LIMCH1: variants seen among roughly 807,000 people sequenced by gnomAD.
LIMCH1 encodes LIM and calponin homology domains-containing protein 1.
In LIMCH1, 113 loss-of-function variants were observed where a neutral mutation model predicts 176.5. That is an observed-to-expected ratio of 0.64 (90% CI 0.55 to 0.75). LIMCH1 has a LOEUF of 0.75. Ranked by LOEUF, LIMCH1 falls within the 30% of genes least tolerant of loss-of-function variation. The pLI, the probability that LIMCH1 is intolerant of heterozygous loss-of-function variation, is 0.00. For missense variants in LIMCH1, 1,674 were observed against 1,814.9 expected (o/e 0.92, Z 1.41); for synonymous variants, 619 against 645.9 (o/e 0.96, Z 0.63).
At chr4:41,642,661 C>T (rs1167185746) in intron 14 of LIMCH1, among the ~76,000 whole-genome samples, 2 of 152,060 alleles carry the variant, frequency 1.3e-5, no homozygotes, top group African/African-American at 4.8e-5. Flanking sequence ...CAGGTTCAAG[C>T]CATCCTCCTG....
Position 41,650,741 on chromosome 4 carries a change from A to G in LIMCH1, c.3036+133A>G, listed in dbSNP as rs191249023. 33 of 741,708 alleles carry G rather than the reference A, an allele frequency of 4.4e-5. No individual in the cohort carries two copies. The East Asian group carries it at 9.0e-4, about 20-fold the overall frequency. The allele number at this position is 741,708 out of a possible 1,614,324, so 45.9% of individuals were successfully genotyped here. ...CGTATTAGTTTGCTAGGGCTGCTGT[A>G]AGTACCACAAACTCAGTGGCTTAAA... On this transcript the variant is annotated intron_variant, in intron 18 of 31. Coordinates refer to ENST00000503057, the MANE Select transcript of LIMCH1 (RefSeq NM_001330672.2).
chr4:41,636,695 A>G (rs994145821), intron 13 of LIMCH1, among the ~76,000 whole-genome samples: 7 of 152,194 alleles, frequency 4.6e-5, no homozygotes, highest in Non-Finnish European at 5.9e-5. Context: ...ATTTTGGTAT[A>G]GATCTACATT....
chr4:41,479,870 C>T (rs2068302472), intron 1 of LIMCH1, among the ~76,000 whole-genome samples: 1 of 152,154 alleles, frequency 6.6e-6, no homozygotes, highest in Non-Finnish European at 1.5e-5. Flanking sequence ...ATCACATGGG[C>T]TTCCCCGTGT....
chr4:41,367,227 A>G (rs2053151277), intron 1 of LIMCH1, among the ~76,000 whole-genome samples: 1 of 152,202 alleles, frequency 6.6e-6, no homozygotes, highest in East Asian at 1.9e-4. Context: ...AGTGTATCTC[A>G]GGGAATTACC....
At chr4:41,427,268 A>G (rs1208940905) in intron 1 of LIMCH1, among the ~76,000 whole-genome samples, 1 of 152,106 alleles carries the variant, frequency 6.6e-6, no homozygotes, top group Non-Finnish European at 1.5e-5. Context: ...GCCTGCCTGC[A>G]GTGAACTACT....
rs191892161 is a variant in LIMCH1, at chr4:41,479,684, A to G, written c.97-14852A>G. On this transcript the variant is annotated intron_variant, in intron 1 of 26. Transcript: ENST00000313860. The stretch of plus-strand genomic sequence containing the variant: ...ACTAGGATCTCATTAAGGAGTATAC[A>G]TTGCAATTGGTCATTATGTCTCATA... Among the ~76,000 whole-genome samples the G allele has an allele frequency of 1.6e-4, 24 of 152,352 alleles. No homozygotes were observed. In the East Asian group the frequency reaches 4.4e-3, roughly 28 times the overall value.
chr4:41,482,133 G>T (rs2068756628), intron 1 of LIMCH1, among the ~76,000 whole-genome samples: 1 of 152,176 alleles, frequency 6.6e-6, no homozygotes, highest in African/African-American at 2.4e-5. Flanking sequence ...CTCCCAAAGT[G>T]CTGGGATTAC....
At chr4:41,644,804 G>A (rs1001553337) in intron 15 of LIMCH1, among the ~76,000 whole-genome samples, 178 bp downstream of exon 15, 1 of 152,142 alleles carries the variant, frequency 6.6e-6, no homozygotes, top group Non-Finnish European at 1.5e-5. Flanking sequence ...TGAAGGTATG[G>A]AGTGATGGCC....
At chr4:41,401,795 G>T (rs1213959262) in intron 1 of LIMCH1, among the ~76,000 whole-genome samples, 18 of 152,224 alleles carry the variant, frequency 1.2e-4, no homozygotes, top group Admixed American at 8.5e-4. Flanking sequence ...TTTGTAGCAA[G>T]TGTGAATGGG....
intron 1 of LIMCH1, among the ~76,000 whole-genome samples, chr4:41,445,919 A>G (rs2063231529): frequency 1.3e-5 from 2 of 152,228 alleles, no homozygotes; most frequent in Admixed American, 1.3e-4. Context: ...ATATATATCA[A>G]CTTAAAGTGG....
chr4:41,647,284 G>T (rs2094106236), intron 17 of LIMCH1, among the ~76,000 whole-genome samples: 1 of 152,132 alleles, frequency 6.6e-6, no homozygotes, highest in Non-Finnish European at 1.5e-5. Flanking sequence ...TTTGCTTTTG[G>T]TTCAAATAGA....
intron 1 of LIMCH1, among the ~76,000 whole-genome samples, chr4:41,383,053 A>G (rs2055943883): frequency 6.6e-6 from 1 of 152,134 alleles, no homozygotes; most frequent in Non-Finnish European, 1.5e-5. Context: ...AGCCTCCCAA[A>G]GTGTTGGGAT....
intron 13 of LIMCH1, among the ~76,000 whole-genome samples, chr4:41,636,758 T>G (rs2093610586): frequency 6.6e-6 from 1 of 152,202 alleles, no homozygotes; most frequent in African/African-American, 2.4e-5. Context: ...TAGAAACAAC[T>G]TAAATTCAGA....
chr4:41,592,415 G>T (rs1188856898), intron 1 of LIMCH1, among the ~76,000 whole-genome samples: 1 of 152,134 alleles, frequency 6.6e-6, no homozygotes, highest in Non-Finnish European at 1.5e-5. Context: ...GTATAAAACT[G>T]TCAAGCTGGT....
intron 3 of LIMCH1, among the ~76,000 whole-genome samples, chr4:41,530,791 G>A (rs963949032): frequency 1.1e-4 from 3 of 26,482 alleles, no homozygotes; most frequent in Non-Finnish European, 1.9e-4. Context: ...GCGAAACCCC[G>A]CCTAAAAAAA....
At chr4:41,385,136 C>T (rs905785821) in intron 1 of LIMCH1, among the ~76,000 whole-genome samples, 10 of 152,200 alleles carry the variant, frequency 6.6e-5, no homozygotes, top group Admixed American at 2.6e-4. Context: ...TGTGACCTGG[C>T]GCTGTGCCAC....
chr4:41,689,701 G>A (rs1586024246), intron 30 of LIMCH1, 66 bp downstream of exon 30: 1 of 983,834 alleles, frequency 1.0e-6, no homozygotes, highest in Non-Finnish European at 1.6e-6. Flanking sequence ...GTTCCGTGCT[G>A]AAAAATGCCT....
rs2075595374 is a variant in LIMCH1, at chr4:41,516,469, A to ACCTC, written c.168-7939_168-7936dup. 2.0e-5 allele frequency among the ~76,000 whole-genome samples: 3 copies of ACCTC among 152,160 alleles called. No individual in the cohort carries two copies. The South Asian group carries it at 6.2e-4, about 32-fold the overall frequency. ...CCAAATCTACCGCTTAGGAGCTCTGACCTCAGACATGTGCCTTCACCTCCC... is the reference window on the plus strand; with the variant it reads ...CCAAATCTACCGCTTAGGAGCTCTGACCTCCCTCAGACATGTGCCTTCACCTCCC... On this transcript the variant is annotated intron_variant, in intron 2 of 26. Coordinates refer to the LIMCH1 transcript ENST00000313860.
intron 2 of LIMCH1, among the ~76,000 whole-genome samples, chr4:41,599,671 C>G (rs1327986615): frequency 6.6e-6 from 1 of 152,170 alleles, no homozygotes; most frequent in East Asian, 1.9e-4. Context: ...TTTAGAAGTT[C>G]TTTAGATCCT....
Sources: gnomAD v4.1 joint callset for allele counts (sites outside exome capture counted in the v4.1 genomes callset) on GRCh38, gnomAD v4.1.1 for gene constraint, MANE v1.5 for transcripts, NCBI Gene and HGNC (gene_info 2026-07-23, HGNC 2026-07-21) for gene names.